Variants in MAP6 observed in about 807,000 individuals in gnomAD.
MAP6 encodes microtubule associated protein 6, also known as microtubule-associated protein 6.
A neutral mutation model predicts 42.4 loss-of-function variants in MAP6; 26 were observed. That is an observed-to-expected ratio of 0.61 (90% CI 0.45 to 0.85). The LOEUF is 0.85. Ranked by LOEUF, MAP6 falls within the 40% of genes least tolerant of loss-of-function variation. MAP6 has a pLI of 0.00. For missense variants in MAP6, 966 were observed against 1,099.0 expected (o/e 0.88, Z 1.71); for synonymous variants, 418 against 443.8 (o/e 0.94, Z 0.73).
At chr11:75,600,684 T>C (rs980272936) in intron 3 of MAP6, among the ~76,000 whole-genome samples, 2 of 152,214 alleles carry the variant, frequency 1.3e-5, no homozygotes, top group African/African-American at 2.4e-5. Context: ...TGAAAGAAAC[T>C]TCTGTACCTA....
chr11:75,649,271 T>C (rs1943610140), intron 1 of MAP6, among the ~76,000 whole-genome samples: 2 of 152,090 alleles, frequency 1.3e-5, no homozygotes, highest in Non-Finnish European at 1.5e-5. Context: ...TCTCAAGATA[T>C]GTGATGTTGG....
In MAP6 at chr11:75,667,973, G is replaced by C. The variant is rs985417126; in HGVS notation, c.397C>G (p.Pro133Ala). The change falls in exon 1 of 4, where the codon CCC becomes GCC. Residue 133 changes from proline (P) to alanine (A), a missense_variant. Physicochemically the swap from Pro to Ala is conservative, Grantham distance 27. This residue lies in a region of MAP6 where 943 missense variants were observed against 1,049.9 expected (regional missense o/e 0.90). Coordinates refer to ENST00000304771, the MANE Select transcript of MAP6 (RefSeq NM_033063.2). The surrounding 1 kb of genome is among the most constrained non-coding windows in gnomAD (Gnocchi z 5.6). ...QDYRAWKVQR[P>A]EPSCRPRSEY... ...CTGCGCGGCCGGCAGCTGGGCTCGG[G>C]CCGCTGCACCTTCCAGGCTCGGTAA... 7.7e-7 allele frequency: 1 copy of C among 1,302,778 alleles called. No individual in the cohort carries two copies. The highest frequency in any genetic ancestry group is 1.5e-5 in the African/African-American group (1 of 65,218). 80.7% of individuals were successfully genotyped at this position (1,302,778 alleles called of 1,614,324 possible).
At chr11:75,659,158 G>T (rs889739132) in intron 1 of MAP6, among the ~76,000 whole-genome samples, 1 of 152,186 alleles carries the variant, frequency 6.6e-6, no homozygotes. Flanking sequence ...AAAGACAAGC[G>T]TAGACAAAGT....
At chr11:75,662,443 T>C (rs1943868790) in intron 1 of MAP6, among the ~76,000 whole-genome samples, 1 of 152,244 alleles carries the variant, frequency 6.6e-6, no homozygotes, top group African/African-American at 2.4e-5. Flanking sequence ...ACCTTTGCCA[T>C]GTTTGCATGT....
At chr11:75,607,414 T>C in intron 2 of MAP6, 1 of 985,460 alleles carries the variant, frequency 1.0e-6, no homozygotes, top group South Asian at 4.7e-5. Context: ...CTTATATGAT[T>C]CCTGCTTCAC....
Position 75,587,332 on chromosome 11 carries a change from T to C in MAP6, c.2169A>G (p.Leu723=), listed in dbSNP as rs756465690. The change falls in exon 4 of 4, where the codon CTA becomes CTG. Residue 723 remains leucine, a synonymous_variant. Transcript: ENST00000304771. The part of the protein sequence containing the change: ...VKNQDPILPV[L]VKDQGPTVLQ... ...GGACTGTGGGGCCTTGATCCTTAAC[T>C]AGTACTGGGAGAATGGGGTCTTGAT... 5.0e-6 allele frequency: 8 copies of C among 1,613,972 alleles called. No homozygotes were observed. The highest frequency in any genetic ancestry group is 1.3e-5 in the African/African-American group (1 of 74,894).
At chr11:75,592,862 G>T (rs886542621) in intron 3 of MAP6, among the ~76,000 whole-genome samples, 4 of 152,102 alleles carry the variant, frequency 2.6e-5, no homozygotes, top group African/African-American at 9.7e-5. Context: ...TGCCTTTCCT[G>T]GCTTTCTGTG....
intron 1 of MAP6, among the ~76,000 whole-genome samples, chr11:75,651,781 T>C (rs1028919497): frequency 2.0e-5 from 3 of 152,236 alleles, no homozygotes; most frequent in Non-Finnish European, 4.4e-5. Context: ...ATGTGCTTAA[T>C]AAGGCACAGC....
chr11:75,667,973 G>T lies in MAP6; in HGVS notation c.397C>A (p.Pro133Thr), dbSNP rs985417126. ...QDYRAWKVQR[P>T]EPSCRPRSEY... is the part of the protein sequence containing the mutation. ...CTGCGCGGCCGGCAGCTGGGCTCGGGCCGCTGCACCTTCCAGGCTCGGTAA... is the reference window on the plus strand; with the variant it reads ...CTGCGCGGCCGGCAGCTGGGCTCGGTCCGCTGCACCTTCCAGGCTCGGTAA... Residue 133 changes from proline to threonine, a missense_variant, in exon 1 of 4, where the codon CCC becomes ACC. Pro to Thr is a conservative substitution (Grantham distance 38). This residue lies in a region of MAP6 where 943 missense variants were observed against 1,049.9 expected (regional missense o/e 0.90). Coordinates refer to ENST00000304771, the MANE Select transcript of MAP6 (RefSeq NM_033063.2). This position sits in a 1 kb window ranked among gnomAD's most constrained non-coding sequence, Gnocchi z 5.6. The T allele has an allele frequency of 6.9e-6, 9 of 1,302,886 alleles. No homozygotes were observed. Among genetic ancestry groups the T allele is most frequent in the East Asian group, 6.3e-5 (2 of 31,984 alleles). 80.7% of individuals were successfully genotyped at this position (1,302,886 alleles called of 1,614,324 possible).
chr11:75,667,559 T>TGGCCTGGACCTG lies in MAP6; in HGVS notation c.799_810dup (p.Gln267_Ala270dup). The stretch of plus-strand genomic sequence containing the variant: ...CGCCCCCTGCCAGCCTCGGGGCCGG[T>TGGCCTGGACCTG]GGCCTGGACCTGGGCCTGGGCCGCG... On this transcript the variant is annotated inframe_insertion, in exon 1 of 4. Transcript: ENST00000304771. The surrounding 1 kb of genome is among the most constrained non-coding windows in gnomAD (Gnocchi z 5.6). The TGGCCTGGACCTG allele has an allele frequency of 6.8e-7, 1 of 1,479,704 alleles. No individual in the cohort carries two copies. The highest frequency in any genetic ancestry group is 8.9e-7 in the Non-Finnish European group (1 of 1,122,814). The allele number at this position is 1,479,704 out of a possible 1,614,324, so 91.7% of individuals were successfully genotyped here.
intron 1 of MAP6, among the ~76,000 whole-genome samples, chr11:75,637,121 GT>G (rs1377109969): frequency 6.6e-6 from 1 of 152,196 alleles, no homozygotes; most frequent in Non-Finnish European, 1.5e-5. Flanking sequence ...TATTTGTTAA[GT>G]GAATTTAAAG....
At chr11:75,651,239 G>C (rs1943641081) in intron 1 of MAP6, among the ~76,000 whole-genome samples, 1 of 152,192 alleles carries the variant, frequency 6.6e-6, no homozygotes, top group African/African-American at 2.4e-5. Context: ...CCAAGGGCTT[G>C]CAAAGAATCT....
intron 1 of MAP6, among the ~76,000 whole-genome samples, chr11:75,655,047 A>G (rs1008746282): frequency 6.6e-6 from 1 of 152,118 alleles, no homozygotes; most frequent in South Asian, 2.1e-4. Flanking sequence ...TTTTAGATAC[A>G]CTACTTACAT....
chr11:75,620,365 G>A (rs1419605064), intron 1 of MAP6, among the ~76,000 whole-genome samples: 1 of 151,922 alleles, frequency 6.6e-6, no homozygotes, highest in Non-Finnish European at 1.5e-5. Flanking sequence ...CAGCTACTTG[G>A]GAGGCTAAAG....
intron 1 of MAP6, among the ~76,000 whole-genome samples, chr11:75,642,169 G>A (rs182014902): frequency 1.4e-4 from 21 of 152,326 alleles, no homozygotes; most frequent in Middle Eastern, 3.4e-3. Flanking sequence ...ACACAATGAT[G>A]TGCTTCTGCG....
At position 75,604,959 on chromosome 11, in the gene MAP6, A is replaced by G. The variant is rs1413492528; in HGVS notation, c.1316+849T>C. 9 of 985,410 alleles carry G rather than the reference A, an allele frequency of 9.1e-6. No individual in the cohort carries two copies. The East Asian group carries it at 7.9e-4, about 87-fold the overall frequency. The allele number at this position is 985,410 out of a possible 1,614,324, so 61.0% of individuals were successfully genotyped here. ...GTCAAATTCCAAACACACTATCCCT[A>G]CACCTTGAACTTTCTTCCTCAGACA... On this transcript the variant is annotated intron_variant, in intron 3 of 3. Coordinates refer to ENST00000304771, the MANE Select transcript of MAP6 (RefSeq NM_033063.2).
intron 1 of MAP6, among the ~76,000 whole-genome samples, chr11:75,658,926 T>C (rs1323427291): frequency 6.6e-6 from 1 of 152,204 alleles, no homozygotes; most frequent in Non-Finnish European, 1.5e-5. Flanking sequence ...TTCTCTGTGC[T>C]CCACCATGCC....
rs751495165 is a variant in MAP6 at position 75,668,199 on chromosome 11, G to A, written c.171C>T (p.Leu57=). 22 of 1,258,158 alleles carry A rather than the reference G, an allele frequency of 1.7e-5. No homozygotes were observed. The South Asian group carries it at 2.3e-4, about 13-fold the overall frequency. 77.9% of individuals were successfully genotyped at this position (1,258,158 alleles called of 1,614,324 possible). A position where few individuals can be genotyped will look rare whatever the true frequency, so the allele number is the denominator to read the frequency against. Reference sequence around the variant, plus strand: ...CAACCGCGCGCGCCGAGGGGGGCGCGAGCGCCGGCTGCGCCTGCTGCTGCG... The same window carrying A: ...CAACCGCGCGCGCCGAGGGGGGCGCAAGCGCCGGCTGCGCCTGCTGCTGCG... ...PPPQQQAQPA[L]APPSARAVAI... Residue 57 remains leucine, a synonymous_variant, in exon 1 of 4, where the codon CTC becomes CTT. Transcript: ENST00000304771.
At chr11:75,633,451 T>C (rs111488773) in intron 1 of MAP6, among the ~76,000 whole-genome samples, 216 of 152,354 alleles carry the variant, frequency 1.4e-3, no homozygotes, top group Non-Finnish European at 2.4e-3. Context: ...TTAGGTGCTG[T>C]GGGAAGACAT....
Sources: allele counts gnomAD v4.1 joint callset (sites outside exome capture counted in the v4.1 genomes callset), GRCh38; gene constraint gnomAD v4.1.1; regional missense constraint gnomAD v4.1.1; non-coding constraint Gnocchi (gnomAD v3.1); transcripts MANE v1.5; gene names NCBI Gene and HGNC (gene_info 2026-07-23, HGNC 2026-07-21).